The following ATP5MC2 variants were observed in gnomAD, a reference collection of about 807,000 sequenced individuals.
ATP5MC2 encodes ATP synthase F(0) complex subunit C2, mitochondrial.
Under a neutral mutation model 13.5 loss-of-function variants are expected in ATP5MC2, and 11 were observed. The observed-to-expected ratio is 0.81, with a 90% confidence interval of 0.51 to 1.35. The LOEUF (loss-of-function observed/expected upper bound fraction) is 1.35, where lower values mean the gene tolerates loss of function less well. Ranked by LOEUF, ATP5MC2 falls within the 40% of genes most tolerant of loss-of-function variation. The probability of loss-of-function intolerance (pLI) is 0.00; values close to 1 mark genes in which losing one functional copy is unlikely to be tolerated. For missense variants in ATP5MC2, 132 were observed against 175.0 expected (o/e 0.75, Z 1.39); for synonymous variants, 64 against 69.7 (o/e 0.92, Z 0.41).
chr12:53,675,945 G>A (rs552724803), intron 1 of ATP5MC2, 108 bp downstream of exon 1: 2 of 1,456,030 alleles, frequency 1.4e-6, no homozygotes, highest in East Asian at 2.4e-5. Flanking sequence ...AAGGGCGAGA[G>A]GACCAGGGTG....
intron 1 of ATP5MC2, among the ~76,000 whole-genome samples, chr12:53,674,474 T>C (rs55777415): frequency 0.016 from 2,380 of 152,364 alleles, 41 homozygotes; most frequent in Middle Eastern, 0.034. Flanking sequence ...GTGGTAGTGG[T>C]AGAGGATAGA....
chr12:53,666,974 G>C lies in ATP5MC2; in HGVS notation c.312-1546C>G, dbSNP rs1593043822. On this transcript the variant is annotated intron_variant, in intron 4 of 4. Coordinates refer to ENST00000394349, the MANE Select transcript of ATP5MC2 (RefSeq NM_005176.7). ...AAAAAAAAAAAAAGAAGTTACAAATGGTCTATGGGGTTTATGAGTTGAAGT... is the reference window on the plus strand; with the variant it reads ...AAAAAAAAAAAAAGAAGTTACAAATCGTCTATGGGGTTTATGAGTTGAAGT... Among the ~76,000 whole-genome samples, 3 of 148,990 alleles carry C rather than the reference G, an allele frequency of 2.0e-5. No individual in the cohort carries two copies. In the South Asian group the frequency reaches 6.3e-4, roughly 32 times the overall value.
At chr12:53,679,908 G>A (rs530358886), upstream of ATP5MC2, among the ~76,000 whole-genome samples, 1 of 152,360 alleles carries the variant, frequency 6.6e-6, no homozygotes. Context: ...ATCAGTAGGA[G>A]AGATGGTGGC....
chr12:53,671,428 C>T (rs972991319), intron 2 of ATP5MC2, among the ~76,000 whole-genome samples: 5 of 152,128 alleles, frequency 3.3e-5, no homozygotes, highest in African/African-American at 9.7e-5. Flanking sequence ...ATGAACCAAC[C>T]GCCTCCTCTA....
upstream of ATP5MC2, among the ~76,000 whole-genome samples, chr12:53,678,654 A>G (rs1374834957): frequency 6.6e-6 from 1 of 152,178 alleles, no homozygotes; most frequent in East Asian, 1.9e-4. Flanking sequence ...TGAGGCTCCA[A>G]AAAGGAGGTT....
Position 53,667,952 on chromosome 12 carries a change from CACACATATATAT to C in ATP5MC2, c.311+1184_311+1195del, listed in dbSNP as rs1321092520. Among the ~76,000 whole-genome samples, 413 of 110,762 alleles carry C rather than the reference CACACATATATAT, an allele frequency of 3.7e-3. 7 individuals carry two copies. The highest frequency in any genetic ancestry group is 0.013 in the African/African-American group (391 of 31,032). 72.7% of individuals were successfully genotyped at this position (110,762 alleles called of 152,430 possible). A position where few individuals can be genotyped will look rare whatever the true frequency, so the allele number is the denominator to read the frequency against. ...ACATTCTAATACATACATACATACA[CACACATATATAT>C]ATATATATATATATATATATATATA... is the stretch of plus-strand genomic sequence containing the variant. On this transcript the variant is annotated intron_variant, in intron 4 of 4. Transcript: ENST00000394349.
chr12:53,676,301 C>G (rs1172082135), upstream of ATP5MC2: 24 of 1,490,232 alleles, frequency 1.6e-5, no homozygotes, highest in East Asian at 5.3e-4. Flanking sequence ...GCCAACTCCG[C>G]GGAGTAAGCC....
At chr12:53,674,128 C>T (rs979785469) in intron 1 of ATP5MC2, 1 of 152,208 alleles carries the variant, frequency 6.6e-6, no homozygotes. Flanking sequence ...GGAAAGATAA[C>T]TTGAAGCCAG....
At chr12:53,669,668 T>C (rs372514183) in intron 3 of ATP5MC2, among the ~76,000 whole-genome samples, 9 of 152,216 alleles carry the variant, frequency 5.9e-5, no homozygotes, top group African/African-American at 1.7e-4. Context: ...CACAGGGGCA[T>C]GTGCTGCCAG....
At position 53,669,225 on chromosome 12, in the gene ATP5MC2, C is replaced by T; in HGVS notation, c.234G>A (p.Gly78=). Residue 78 remains glycine, a synonymous_variant, in exon 4 of 5, where the codon GGG becomes GGA. Coordinates refer to ENST00000394349, the MANE Select transcript of ATP5MC2 (RefSeq NM_005176.7). The part of the protein sequence containing the change: ...IDTAAKFIGA[G]AATVGVAGSG... The stretch of plus-strand genomic sequence containing the variant: ...AACCAGCCACCCCAACTGTGGCAGC[C>T]CCAGCTCCAATGAACTTGGCTGCTG... 1.2e-6 allele frequency: 2 copies of T among 1,614,004 alleles called. No homozygotes were observed. Among genetic ancestry groups the T allele is most frequent in the Non-Finnish European group, 8.5e-7 (1 of 1,179,926 alleles).
At position 53,669,909 on chromosome 12, in the gene ATP5MC2, C is replaced by A. The variant is rs756211944; in HGVS notation, c.79G>T (p.Ala27Ser). The A allele has an allele frequency of 2.9e-5, 47 of 1,614,002 alleles. No individual in the cohort carries two copies. The highest frequency in any genetic ancestry group is 5.0e-5 in the Admixed American group (3 of 59,986). Reference protein sequence around the residue: ...TSQLLSRPLSAVVLKRPEILT... With the variant: ...TSQLLSRPLSSVVLKRPEILT... ...ATCTCCGGTCGTTTCAGCACCACTG[C>A]AGATAGCGGACGGCTCAGCAGCTGT... The change falls in exon 3 of 5, where the codon GCA becomes TCA. Residue 27 changes from alanine to serine, a missense_variant. Transcript: ENST00000394349.
chr12:53,669,314 G>A lies in ATP5MC2; in HGVS notation c.145C>T (p.Pro49Ser). 6.2e-7 allele frequency: 1 copy of A among 1,613,870 alleles called. No individual in the cohort carries two copies. The highest frequency in any genetic ancestry group is 8.5e-7 in the Non-Finnish European group (1 of 1,179,924). The change falls in exon 4 of 5, where the codon CCC (proline) becomes TCC (serine). Residue 49 changes from proline to serine, a missense_variant. Transcript: ENST00000394349. ...CGGCTAGAGACAAGTGAGGTAAGGG[G>A]ACATGAGACTGCCAAGCTGCTGAGG... ...ESLSSLAVSC[P>S]LTSLVSSRSF...
At chr12:53,666,003 G>A (rs1400285947) in intron 4 of ATP5MC2, among the ~76,000 whole-genome samples, 1 of 152,168 alleles carries the variant, frequency 6.6e-6, no homozygotes, top group African/African-American at 2.4e-5. Context: ...CAGAAGATCT[G>A]GGGCTTTAAG....
In ATP5MC2 at chr12:53,672,516, T is replaced by A. The variant is rs1036168925; in HGVS notation, c.39+60A>T. On this transcript the variant is annotated intron_variant, in intron 2 of 4. Transcript: ENST00000394349. ...CCTTGCTGTGAAGAACAAGGTCTGA[T>A]GGAAAGAGAGAGACAAGATGTCTCT... 8.1e-6 allele frequency: 12 copies of A among 1,489,286 alleles called. No homozygotes were observed. In the East Asian group the frequency reaches 2.2e-4, roughly 27 times the overall value. 92.3% of individuals were successfully genotyped at this position (1,489,286 alleles called of 1,614,324 possible).
intron 4 of ATP5MC2, among the ~76,000 whole-genome samples, chr12:53,667,446 C>T (rs1254242145): frequency 6.6e-6 from 1 of 152,020 alleles, no homozygotes; most frequent in Non-Finnish European, 1.5e-5. Context: ...TTTTGTGGGC[C>T]GCATATAGTC....
At chr12:53,680,940 C>T (rs375958807), upstream of ATP5MC2, among the ~76,000 whole-genome samples, 18 of 152,116 alleles carry the variant, frequency 1.2e-4, no homozygotes, top group East Asian at 1.8e-3. Context: ...GAGTTTTGCT[C>T]TTGTCGCCCA....
In ATP5MC2 at chr12:53,669,277, G is replaced by A; in HGVS notation, c.182C>T (p.Thr61Ile). ...GTCGATGTCCCTTGAAATGGCGCTGGTTTGGAAGCTGCGGCTAGAGACAAG... is the reference window on the plus strand; with the variant it reads ...GTCGATGTCCCTTGAAATGGCGCTGATTTGGAAGCTGCGGCTAGAGACAAG... ...TSLVSSRSFQ[T>I]SAISRDIDTA... The change falls in exon 4 of 5, where the codon ACC (threonine) becomes ATC (isoleucine). Residue 61 changes from threonine (T) to isoleucine (I), a missense_variant. Physicochemically the swap from Thr to Ile is moderately conservative, Grantham distance 89. Coordinates refer to ENST00000394349, the MANE Select transcript of ATP5MC2 (RefSeq NM_005176.7). The A allele has an allele frequency of 1.9e-6, 3 of 1,614,148 alleles. 1 individual carries two copies. Among genetic ancestry groups the A allele is most frequent in the South Asian group, 2.2e-5 (2 of 91,076 alleles).
At chr12:53,676,095 G>A (rs1331067578), upstream of ATP5MC2, 1 of 1,614,276 alleles carries the variant, frequency 6.2e-7, no homozygotes, top group South Asian at 1.1e-5. Context: ...GGAGCAGCGG[G>A]AAGAGCGAAA....
chr12:53,668,678 GTGAC>G (rs1410848539), intron 4 of ATP5MC2, among the ~76,000 whole-genome samples: 6 of 152,096 alleles, frequency 3.9e-5, no homozygotes, highest in Non-Finnish European at 1.5e-5. Flanking sequence ...TATGGTTAGC[GTGAC>G]TGAAGAACTG....
Sources: allele counts gnomAD v4.1 joint callset (sites outside exome capture counted in the v4.1 genomes callset), GRCh38; gene constraint gnomAD v4.1.1; transcripts MANE v1.5; gene names NCBI Gene and HGNC (gene_info 2026-07-23, HGNC 2026-07-21).